Variants in MERTK observed in about 807,000 individuals in gnomAD.
MERTK encodes the protein tyrosine-protein kinase Mer.
A neutral mutation model predicts 99.3 loss-of-function variants in MERTK; 69 were observed. The observed-to-expected ratio is 0.70, with a 90% CI of 0.57 to 0.85. The LOEUF (loss-of-function observed/expected upper bound fraction) is 0.85, where lower values mean the gene tolerates loss of function less well. Among genes scored for constraint, MERTK ranks in the 40% least tolerant of loss-of-function variants. The pLI is 0.00. For missense variants in MERTK, 1,125 were observed against 1,249.4 expected, an observed-to-expected ratio of 0.90 and a Z score of 1.50; for synonymous variants, 426 against 467.6, an observed-to-expected ratio of 0.91 and a Z score of 1.15.
At chr2:111,924,281 G>A (rs1206271546) in intron 1 of MERTK, among the ~76,000 whole-genome samples, 1 of 152,168 alleles carries the variant, frequency 6.6e-6, no homozygotes, top group East Asian at 1.9e-4. Flanking sequence ...ACCCTATGAG[G>A]CACCATGGTT....
At chr2:111,959,714 C>G (rs190040428) in intron 4 of MERTK, among the ~76,000 whole-genome samples, 1 of 152,166 alleles carries the variant, frequency 6.6e-6, no homozygotes, top group Non-Finnish European at 1.5e-5. Context: ...CTTGAACTCT[C>G]GAACTTCTGG....
chr2:112,014,635 C>CT (rs201000426), intron 15 of MERTK, among the ~76,000 whole-genome samples: 2,642 of 145,950 alleles, frequency 0.018, 75 homozygotes, highest in African/African-American at 0.054. Context: ...CATTTATAAC[C>CT]TTTTTTTTTT....
At chr2:111,994,020 G>A (rs895508074) in intron 8 of MERTK, among the ~76,000 whole-genome samples, 1 of 152,196 alleles carries the variant, frequency 6.6e-6, no homozygotes, top group South Asian at 2.1e-4. Context: ...TAAGTGCCAT[G>A]CCCTCATGGC....
intron 2 of MERTK, among the ~76,000 whole-genome samples, chr2:111,944,521 T>G (rs1684924847): frequency 2.0e-5 from 3 of 152,298 alleles, no homozygotes; most frequent in Non-Finnish European, 2.9e-5. Context: ...AATTCCTCTG[T>G]TTTAAGGAAT....
At chr2:112,022,717 A>G (rs1248703388) in intron 18 of MERTK, 2 of 495,348 alleles carry the variant, frequency 4.0e-6, no homozygotes, top group Non-Finnish European at 7.6e-6. Flanking sequence ...CACAGATAAT[A>G]GCTTCGCCTT....
At chr2:111,938,769 C>G (rs1684809470) in intron 2 of MERTK, among the ~76,000 whole-genome samples, 1 of 152,072 alleles carries the variant, frequency 6.6e-6, no homozygotes, top group South Asian at 2.1e-4. Flanking sequence ...TCTGACTATT[C>G]AAAAAGTCTT....
intron 8 of MERTK, among the ~76,000 whole-genome samples, chr2:111,983,529 G>T (rs77290039): frequency 6.6e-6 from 1 of 152,128 alleles, no homozygotes; most frequent in Middle Eastern, 3.4e-3. Flanking sequence ...CGGGCAAGCC[G>T]AAATTAGACA....
chr2:111,983,094 G>A (rs1676405597), intron 8 of MERTK, 101 bp downstream of exon 8: 5 of 1,412,498 alleles, frequency 3.5e-6, no homozygotes, highest in Non-Finnish European at 5.0e-6. Flanking sequence ...AAGACCTGGT[G>A]TGATTGAGTT....
chr2:111,964,969 G>T (rs571375677), intron 4 of MERTK, among the ~76,000 whole-genome samples: 1 of 152,316 alleles, frequency 6.6e-6, no homozygotes, highest in South Asian at 2.1e-4. Context: ...CTGAATAAAT[G>T]AAAGCAGCTG....
At chr2:111,931,083 A>G (rs143073212) in intron 2 of MERTK, among the ~76,000 whole-genome samples, 1,666 of 152,294 alleles carry the variant, frequency 0.011, 21 homozygotes, top group Non-Finnish European at 0.011. Flanking sequence ...GCACCATCCC[A>G]TACTGTGTCA....
chr2:112,008,627 A>G, intron 14 of MERTK, 152 bp downstream of exon 14: 2 of 751,548 alleles, frequency 2.7e-6, no homozygotes, highest in Non-Finnish European at 4.8e-6. Context: ...ACTTTTCTTC[A>G]TAATGATGTT....
rs1007468865 is a variant in MERTK at position 112,003,083 on chromosome 2, C to G, written c.1691-9C>G. The G allele has an allele frequency of 8.6e-6, 12 of 1,397,170 alleles. No individual in the cohort carries two copies. The highest frequency in any genetic ancestry group is 1.4e-5 in the African/African-American group (1 of 70,704). 86.5% of individuals were successfully genotyped at this position (1,397,170 alleles called of 1,614,324 possible). On this transcript the variant is annotated splice_polypyrimidine_tract_variant and intron_variant, in intron 11 of 18. Transcript: ENST00000295408. ...AATTTTTGTACATACTATGTTACTCCTTTTTCAGTACATAGCTTGGGAGTC... is the reference window on the plus strand; with the variant it reads ...AATTTTTGTACATACTATGTTACTCGTTTTTCAGTACATAGCTTGGGAGTC...
intron 10 of MERTK, among the ~76,000 whole-genome samples, chr2:111,997,888 C>T (rs1676785468): frequency 6.6e-6 from 1 of 152,168 alleles, no homozygotes. Context: ...GTCATCTCTA[C>T]AGAAAATACA....
chr2:111,940,962 A>T, intron 2 of MERTK: 1 of 641,180 alleles, frequency 1.6e-6, no homozygotes, highest in Non-Finnish European at 3.0e-6. Context: ...TGAAGTTTCT[A>T]AATTCTGTTT....
intron 1 of MERTK, among the ~76,000 whole-genome samples, chr2:111,923,401 G>A (rs1684501407): frequency 6.6e-6 from 1 of 152,208 alleles, no homozygotes; most frequent in Admixed American, 6.5e-5. Flanking sequence ...GGAAACACAT[G>A]GGCACAGTGC....
chr2:112,019,160 ATG>A (rs1677279885), intron 15 of MERTK, among the ~76,000 whole-genome samples: 1 of 152,184 alleles, frequency 6.6e-6, no homozygotes, highest in Non-Finnish European at 1.5e-5. Flanking sequence ...AAAAGAAACA[ATG>A]TCATTCACTG....
intron 15 of MERTK, among the ~76,000 whole-genome samples, chr2:112,017,019 T>C (rs1677229796): frequency 6.6e-6 from 1 of 152,174 alleles, no homozygotes; most frequent in South Asian, 2.1e-4. Context: ...CAAGATTTAT[T>C]GTGAAGAGTG....
intron 8 of MERTK, among the ~76,000 whole-genome samples, chr2:111,983,355 A>T (rs1458343937): frequency 6.6e-6 from 1 of 152,194 alleles, no homozygotes; most frequent in Non-Finnish European, 1.5e-5. Flanking sequence ...TCAGGGAGCT[A>T]CAGGGCTTAG....
intron 1 of MERTK, among the ~76,000 whole-genome samples, chr2:111,925,292 A>ATATATATATATATATATATT (rs372747015): frequency 4.1e-5 from 1 of 24,484 alleles, no homozygotes; most frequent in African/African-American, 1.4e-4. Context: ...ATATATATAT[A>ATATATATATATATATATATT]TTTTTTTTTT....
Sources: gnomAD v4.1 joint callset for allele counts (sites outside exome capture counted in the v4.1 genomes callset) on GRCh38, gnomAD v4.1.1 for gene constraint, MANE v1.5 for transcripts, NCBI Gene and HGNC (gene_info 2026-07-23, HGNC 2026-07-21) for gene names.